Variants in OCA2 observed in about 807,000 individuals in gnomAD.
OCA2 encodes the protein OCA2 melanosomal transmembrane protein.
A neutral mutation model predicts 100.2 loss-of-function variants in OCA2; 77 were observed. The ratio of observed to expected loss-of-function variants is 0.77; its 90% CI spans 0.64 to 0.93. The LOEUF is 0.93. Among genes scored for constraint, OCA2 ranks in the 40% least tolerant of loss-of-function variants. The pLI is 0.00. For synonymous variants in OCA2, 432 were observed against 439.2 expected, an observed-to-expected ratio of 0.98 and a Z score of 0.21; for missense variants, 1,062 against 1,089.1, an observed-to-expected ratio of 0.98 and a Z score of 0.35.
intron 2 of OCA2, among the ~76,000 whole-genome samples, chr15:28,045,306 A>G (rs925251994): frequency 3.3e-5 from 5 of 152,262 alleles, no homozygotes; most frequent in African/African-American, 1.2e-4. Context: ...GAATATATAC[A>G]TGTATGTACA....
chr15:27,742,053 A>C, the OCA2 span, among the ~76,000 whole-genome samples: 1 of 152,188 alleles, frequency 6.6e-6, no homozygotes, highest in Non-Finnish European at 1.5e-5. Context: ...CACATTGCAG[A>C]CGTATCTGAA....
At chr15:27,899,012 A>G (rs2037819537) in intron 19 of OCA2, among the ~76,000 whole-genome samples, 1 of 152,198 alleles carries the variant, frequency 6.6e-6, no homozygotes, top group Non-Finnish European at 1.5e-5. Flanking sequence ...AATATATCTC[A>G]TAAAGTTAAA....
At position 27,986,069 on chromosome 15, in the gene OCA2, G is replaced by A. The variant is rs2041343247; in HGVS notation, c.1239+518C>T. On this transcript the variant is annotated intron_variant, in intron 12 of 23. Coordinates refer to ENST00000354638, the MANE Select transcript of OCA2 (RefSeq NM_000275.3). The stretch of plus-strand genomic sequence containing the variant: ...AGCACAGCACTAGACTGCATTAGCA[G>A]GGCATGGTACATGTTGAGCTCTCCT... 2.0e-5 allele frequency among the ~76,000 whole-genome samples: 3 copies of A among 152,220 alleles called. No individual in the cohort carries two copies. In the South Asian group the frequency reaches 6.2e-4, roughly 32 times the overall value.
the OCA2 span, among the ~76,000 whole-genome samples, chr15:27,747,660 T>C: frequency 1.3e-5 from 2 of 152,186 alleles, no homozygotes; most frequent in Non-Finnish European, 2.9e-5. Context: ...TGTTTTTAAG[T>C]TGTACCTGTT....
intron 15 of OCA2, among the ~76,000 whole-genome samples, chr15:27,959,134 G>C (rs76493255): frequency 0.023 from 3,577 of 152,314 alleles, 151 homozygotes; most frequent in African/African-American, 0.082. Flanking sequence ...AACTATTTCA[G>C]TTAGCACATG....
chr15:27,895,836 A>G, intron 19 of OCA2: 1 of 503,654 alleles, frequency 2.0e-6, no homozygotes, highest in South Asian at 2.1e-5. Flanking sequence ...AATAAATACA[A>G]CACACCCAAA....
At chr15:28,063,518 T>C (rs1488142165) in intron 2 of OCA2, among the ~76,000 whole-genome samples, 2 of 152,168 alleles carry the variant, frequency 1.3e-5, no homozygotes, top group African/African-American at 4.8e-5. Flanking sequence ...TGAAGTCAAA[T>C]AGATATTTGC....
chr15:27,997,328 T>C (rs1321886350), intron 9 of OCA2, among the ~76,000 whole-genome samples: 2 of 152,200 alleles, frequency 1.3e-5, no homozygotes, highest in Non-Finnish European at 2.9e-5. Flanking sequence ...CAACAAGTCT[T>C]TAATCCATCT....
chr15:28,038,444 A>T (rs970333175), intron 2 of OCA2, among the ~76,000 whole-genome samples: 4 of 152,192 alleles, frequency 2.6e-5, no homozygotes, highest in Non-Finnish European at 4.4e-5. Flanking sequence ...CACAGAAAAA[A>T]TACAGTGCAA....
At chr15:28,055,590 G>A (rs1284505222) in intron 2 of OCA2, among the ~76,000 whole-genome samples, 1 of 152,218 alleles carries the variant, frequency 6.6e-6, no homozygotes, top group African/African-American at 2.4e-5. Context: ...CCAAGGCTTA[G>A]GAAAGCTATG....
At chr15:28,095,639 C>A (rs2044962028) in intron 1 of OCA2, among the ~76,000 whole-genome samples, 1 of 151,526 alleles carries the variant, frequency 6.6e-6, no homozygotes. Context: ...ACCGCTTGAA[C>A]CAGGGAGGTG....
In OCA2 at chr15:27,880,114, A is replaced by G. The variant is rs187094656; in HGVS notation, c.2080-8192T>C. 5.7e-3 allele frequency among the ~76,000 whole-genome samples: 873 copies of G among 152,188 alleles called. 10 individuals are homozygous for G. The highest frequency in any genetic ancestry group is 0.02 in the African/African-American group (823 of 41,558). On this transcript the variant is annotated intron_variant, in intron 19 of 23. Transcript: ENST00000354638. Reference sequence around the variant, plus strand: ...CACCATTTATTAAATAGGGAATCCTATCCCCATTGCTTGTTTTTGTCAGGT... The same window carrying G: ...CACCATTTATTAAATAGGGAATCCTGTCCCCATTGCTTGTTTTTGTCAGGT...
chr15:28,041,501 T>G (rs914556731), intron 2 of OCA2, among the ~76,000 whole-genome samples: 2 of 152,182 alleles, frequency 1.3e-5, no homozygotes, highest in African/African-American at 2.4e-5. Flanking sequence ...TTCTACTCAA[T>G]GCAGTATTGG....
At chr15:27,965,890 T>C (rs940403045) in intron 15 of OCA2, among the ~76,000 whole-genome samples, 22 of 152,234 alleles carry the variant, frequency 1.4e-4, no homozygotes, top group Admixed American at 9.2e-4. Context: ...GTTTTAGTGA[T>C]GAAAATGCAA....
intron 19 of OCA2, among the ~76,000 whole-genome samples, chr15:27,922,269 G>A (rs2038884890): frequency 6.6e-6 from 1 of 152,184 alleles, no homozygotes; most frequent in South Asian, 2.1e-4. Flanking sequence ...CACGGTTTAA[G>A]CATTGCAGTA....
chr15:28,003,426 G>A (rs1199117175), intron 9 of OCA2, among the ~76,000 whole-genome samples: 2 of 152,242 alleles, frequency 1.3e-5, no homozygotes, highest in Non-Finnish European at 2.9e-5. Context: ...GAAGCTGGCG[G>A]TCCCCACCCA....
chr15:28,022,108 A>G (rs1365842557), intron 6 of OCA2, among the ~76,000 whole-genome samples: 2 of 152,232 alleles, frequency 1.3e-5, no homozygotes, highest in African/African-American at 4.8e-5. Context: ...GGCCAGAGCA[A>G]GCACAGTAGG....
intron 23 of OCA2, among the ~76,000 whole-genome samples, chr15:27,798,531 G>A (rs1374475904): frequency 2.6e-5 from 4 of 151,996 alleles, no homozygotes; most frequent in Admixed American, 1.3e-4. Flanking sequence ...GACATCCTCC[G>A]TGAAGGAAGA....
chr15:27,843,288 G>C (rs772966229), intron 23 of OCA2, among the ~76,000 whole-genome samples: 1 of 152,188 alleles, frequency 6.6e-6, no homozygotes, highest in Non-Finnish European at 1.5e-5. Context: ...AGAGCTGGTA[G>C]AGAGGGTGAA....
Sources: gnomAD v4.1 joint callset for allele counts (sites outside exome capture counted in the v4.1 genomes callset) on GRCh38, gnomAD v4.1.1 for gene constraint, MANE v1.5 for transcripts, NCBI Gene and HGNC (gene_info 2026-07-23, HGNC 2026-07-21) for gene names.